PTPN1: variants seen among roughly 807,000 people sequenced by gnomAD.
PTPN1 encodes the protein protein tyrosine phosphatase non-receptor type 1, also known as tyrosine-protein phosphatase non-receptor type 1.
PTPN1 carries 12 observed loss-of-function variants against 59.9 expected under a neutral mutation model. That is an observed-to-expected ratio of 0.20 (90% CI 0.13 to 0.32). The LOEUF (loss-of-function observed/expected upper bound fraction) is 0.32. Among genes scored for constraint, PTPN1 ranks in the 10% least tolerant of loss-of-function variants. The probability of loss-of-function intolerance (pLI) is 1.00; values close to 1 mark genes in which losing one functional copy is unlikely to be tolerated. For missense variants in PTPN1, 356 were observed against 549.2 expected, an observed-to-expected ratio of 0.65 and a Z score of 3.52; for synonymous variants, 178 against 203.6, an observed-to-expected ratio of 0.87 and a Z score of 1.07.
At chr20:50,539,335 C>G (rs761602886) in intron 1 of PTPN1, among the ~76,000 whole-genome samples, 2 of 152,146 alleles carry the variant, frequency 1.3e-5, no homozygotes, top group Non-Finnish European at 2.9e-5. Context: ...CGCGCCCAGC[C>G]TCTTCTCTCA....
Position 50,579,749 on chromosome 20 carries a change from A to G in PTPN1, c.911A>G (p.Glu304Gly). The part of the protein sequence containing the change: ...LSHEDLEPPP[E>G]HIPPPPRPPK... ...CACGAGGACCTGGAGCCCCCACCCG[A>G]GCATATCCCCCCACCTCCCCGGCCA... The change falls in exon 8 of 10, where the codon GAG becomes GGG. Residue 304 changes from glutamate to glycine, a missense_variant. Transcript: ENST00000371621. 1 of 1,612,608 alleles carries G rather than the reference A, an allele frequency of 6.2e-7. No homozygotes were observed.
chr20:50,582,649 G>C lies in PTPN1; in HGVS notation c.1285-43G>C. ...TCATGCATGAGGCGACAGCTCTGCA[G>C]GTGCGGGTCTGGGCTCATCTGAACT... On this transcript the variant is annotated intron_variant, in intron 9 of 9. Transcript: ENST00000371621. The surrounding 1 kb of genome is among the most constrained non-coding windows in gnomAD (Gnocchi z 4.2). 1 of 1,610,348 alleles carries C rather than the reference G, an allele frequency of 6.2e-7. No individual in the cohort carries two copies. The highest frequency in any genetic ancestry group is 8.5e-7 in the Non-Finnish European group (1 of 1,178,208).
chr20:50,514,121 A>G (rs928329111), intron 1 of PTPN1, among the ~76,000 whole-genome samples: 15 of 152,198 alleles, frequency 9.9e-5, no homozygotes, highest in African/African-American at 3.4e-4. Context: ...ACTTTTTGCT[A>G]TTGTTATTTG....
chr20:50,533,462 G>A (rs2082610238), intron 1 of PTPN1, among the ~76,000 whole-genome samples: 1 of 146,480 alleles, frequency 6.8e-6, no homozygotes, highest in African/African-American at 2.6e-5. Flanking sequence ...CCCCCAGCCT[G>A]GATGCACTCA....
intron 1 of PTPN1, among the ~76,000 whole-genome samples, chr20:50,534,973 C>CCTGCCTTCAGGCGGAACTG (rs1253690662): frequency 6.6e-6 from 1 of 152,220 alleles, no homozygotes; most frequent in African/African-American, 2.4e-5. Flanking sequence ...AGGCGGAACT[C>CCTGCCTTCAGGCGGAACTG]CTGCCTTCAG....
At chr20:50,520,919 C>G (rs1173962903) in intron 1 of PTPN1, among the ~76,000 whole-genome samples, 2 of 152,144 alleles carry the variant, frequency 1.3e-5, no homozygotes, top group African/African-American at 4.8e-5. Context: ...CTAGATGTAA[C>G]TTTCTACAAA....
At chr20:50,542,144 C>G (rs904243971) in intron 1 of PTPN1, among the ~76,000 whole-genome samples, 1 of 152,226 alleles carries the variant, frequency 6.6e-6, no homozygotes, top group Non-Finnish European at 1.5e-5. Flanking sequence ...GGTCTTCACT[C>G]TGAAGGTGAT....
chr20:50,522,109 A>G (rs749093120), intron 1 of PTPN1, among the ~76,000 whole-genome samples: 17 of 152,196 alleles, frequency 1.1e-4, no homozygotes, highest in Admixed American at 5.2e-4. Context: ...CCTTGACAGT[A>G]AAGTCTAGGA....
intron 5 of PTPN1, among the ~76,000 whole-genome samples, chr20:50,575,867 C>A (rs1045211963): frequency 1.3e-5 from 2 of 152,198 alleles, no homozygotes; most frequent in African/African-American, 4.8e-5. Flanking sequence ...TTCAAGGCTG[C>A]AGTGAGCTAT....
chr20:50,546,021 G>C (rs2082674180), intron 1 of PTPN1, among the ~76,000 whole-genome samples: 1 of 152,084 alleles, frequency 6.6e-6, no homozygotes, highest in Non-Finnish European at 1.5e-5. Context: ...CTAGGTGACA[G>C]AGCGAGACAG....
At chr20:50,558,697 C>T (rs895606422) in intron 1 of PTPN1, among the ~76,000 whole-genome samples, 1 of 152,166 alleles carries the variant, frequency 6.6e-6, no homozygotes, top group African/African-American at 2.4e-5. Flanking sequence ...CAGGTCTTCT[C>T]ATTTTCCTCT....
intron 1 of PTPN1, among the ~76,000 whole-genome samples, chr20:50,538,944 GTA>G (rs1198342152): frequency 6.7e-6 from 1 of 148,356 alleles, no homozygotes; most frequent in Non-Finnish European, 1.5e-5. Flanking sequence ...CATAGCTGTA[GTA>G]TAGAGTGTTG....
intron 1 of PTPN1, among the ~76,000 whole-genome samples, chr20:50,555,080 A>G (rs1396729044): frequency 6.6e-6 from 1 of 152,234 alleles, no homozygotes; most frequent in Non-Finnish European, 1.5e-5. Flanking sequence ...AAAAAGAACA[A>G]ATTAAATCCA....
At chr20:50,558,947 C>G (rs1046880134) in intron 1 of PTPN1, among the ~76,000 whole-genome samples, 1 of 151,884 alleles carries the variant, frequency 6.6e-6, no homozygotes, top group Non-Finnish European at 1.5e-5. Context: ...TTTCATCACT[C>G]AGGTGGAAAA....
Position 50,582,613 on chromosome 20 carries a change from T to C in PTPN1, c.1285-79T>C. On this transcript the variant is annotated intron_variant, in intron 9 of 9. Coordinates refer to ENST00000371621, the MANE Select transcript of PTPN1 (RefSeq NM_002827.4). This position sits in a 1 kb window ranked among gnomAD's most constrained non-coding sequence, Gnocchi z 4.2. ...CTCGGAGGTTGAAGTTGCCGGGGGG[T>C]GTGGCCGGGGTCATGCATGAGGCGA... 6.7e-7 allele frequency: 1 copy of C among 1,487,264 alleles called. No individual in the cohort carries two copies. The highest frequency in any genetic ancestry group is 9.3e-7 in the Non-Finnish European group (1 of 1,080,372). 92.1% of individuals were successfully genotyped at this position (1,487,264 alleles called of 1,614,324 possible). A position where few individuals can be genotyped will look rare whatever the true frequency, so the allele number is the denominator to read the frequency against.
intron 1 of PTPN1, among the ~76,000 whole-genome samples, chr20:50,525,228 TTTTGTTATTTTTAA>T (rs2082569460): frequency 2.6e-5 from 4 of 152,174 alleles, no homozygotes; most frequent in Admixed American, 1.3e-4. Context: ...GCCGGCTAAT[TTTTGTTATTTTTAA>T]TAGAGACAAT....
At chr20:50,576,955 G>A (rs2082839901) in intron 5 of PTPN1, among the ~76,000 whole-genome samples, 1 of 152,024 alleles carries the variant, frequency 6.6e-6, no homozygotes, top group Admixed American at 6.6e-5. Flanking sequence ...AATAGAAGAG[G>A]TATTTCTTCT....
At chr20:50,541,691 C>T (rs1405664019) in intron 1 of PTPN1, among the ~76,000 whole-genome samples, 2 of 152,168 alleles carry the variant, frequency 1.3e-5, no homozygotes, top group African/African-American at 2.4e-5. Flanking sequence ...TCTGAGGTTG[C>T]TCTAGCCTCA....
chr20:50,551,857 C>T (rs913428518), intron 1 of PTPN1, among the ~76,000 whole-genome samples: 1 of 152,108 alleles, frequency 6.6e-6, no homozygotes, highest in Non-Finnish European at 1.5e-5. Flanking sequence ...TTATTATTCC[C>T]TTTTGGTTTG....
Sources: allele counts gnomAD v4.1 joint callset (sites outside exome capture counted in the v4.1 genomes callset), GRCh38; gene constraint gnomAD v4.1.1; non-coding constraint Gnocchi (gnomAD v3.1); transcripts MANE v1.5; gene names NCBI Gene and HGNC (gene_info 2026-07-23, HGNC 2026-07-21).